CAD: variants seen among roughly 807,000 people sequenced by gnomAD.
The protein encoded by CAD is multifunctional protein CAD.
A neutral mutation model predicts 237.2 loss-of-function variants in CAD; 81 were observed. The observed-to-expected ratio is 0.34, with a 90% confidence interval of 0.29 to 0.41. The LOEUF is 0.41. CAD is among the 10% of genes least tolerant of loss of function. The probability of loss-of-function intolerance (pLI) is 1.00; values close to 1 mark genes in which losing one functional copy is unlikely to be tolerated. For synonymous variants in CAD, 1,196 were observed against 1,162.8 expected (o/e 1.03, Z -0.58); for missense variants, 2,181 against 2,951.7 (o/e 0.74, Z 6.05).
chr2:27,234,139 A>G lies in CAD; in HGVS notation c.3531A>G (p.Lys1177=), dbSNP rs770533923. 6.2e-7 allele frequency: 1 copy of G among 1,614,188 alleles called. No individual in the cohort carries two copies. The highest frequency in any genetic ancestry group is 2.2e-5 in the East Asian group (1 of 44,882). Residue 1177 remains lysine (K), a synonymous_variant, in exon 22 of 44, where the codon AAA becomes AAG. Coordinates refer to ENST00000264705, the MANE Select transcript of CAD (RefSeq NM_004341.5). The stretch of plus-strand genomic sequence containing the variant: ...CCCCCCCACAAGATATCACTGCCAA[A>G]ACCCTGGAGCGGATCAAAGCCATTG... ...LVTPPQDITA[K]TLERIKAIVH...
In CAD at chr2:27,229,790, C is replaced by T. The variant is rs1357909863; in HGVS notation, c.2288-1678C>T. On this transcript the variant is annotated intron_variant, in intron 15 of 43. Coordinates refer to ENST00000264705, the MANE Select transcript of CAD (RefSeq NM_004341.5). The stretch of plus-strand genomic sequence containing the variant: ...ACTCAGGAGGCTGAGGCAGGAGAAT[C>T]GCTTGACCTCAGGAAGCAGAGGTTG... 9.3e-5 allele frequency among the ~76,000 whole-genome samples: 14 copies of T among 149,890 alleles called. No homozygotes were observed. In the South Asian group the frequency reaches 3.0e-3, roughly 32 times the overall value.
At position 27,232,625 on chromosome 2, in the gene CAD, C is replaced by T. The variant is rs759117584; in HGVS notation, c.2823C>T (p.Gly941=). 5.6e-6 allele frequency: 9 copies of T among 1,614,052 alleles called. No individual in the cohort carries two copies. The highest frequency in any genetic ancestry group is 1.6e-4 in the Middle Eastern group (1 of 6,084). The change falls in exon 18 of 44, where the codon GGC becomes GGT. Residue 941 remains glycine, a synonymous_variant. Coordinates refer to ENST00000264705, the MANE Select transcript of CAD (RefSeq NM_004341.5). The surrounding 1 kb of genome is among the most constrained non-coding windows in gnomAD (Gnocchi z 4.1). ...CTCATGTCCTAGTCCTTGGCTCTGG[C>T]GTCTACCGTATTGGCTCTAGCGTTG... The part of the protein sequence containing the change: ...RTPHVLVLGS[G]VYRIGSSVEF...
In CAD at chr2:27,239,115, A is replaced by C. The variant is rs139059404; in HGVS notation, c.5136A>C (p.Pro1712=). 3 of 1,612,682 alleles carry C rather than the reference A, an allele frequency of 1.9e-6. No homozygotes were observed. Among genetic ancestry groups the C allele is most frequent in the East Asian group, 2.2e-5 (1 of 44,872 alleles). Residue 1712 remains proline (P), a synonymous_variant, in exon 32 of 44, where the codon CCA becomes CCC. Coordinates refer to ENST00000264705, the MANE Select transcript of CAD (RefSeq NM_004341.5). The surrounding 1 kb of genome is among the most constrained non-coding windows in gnomAD (Gnocchi z 4.0). ...TCCCAGGGTTAGAGACCATGCTGCC[A>C]CTACTCCTGACGGCTGTAAGCGAGG... ...PGFPGLETML[P]LLLTAVSEGR...
rs749905689 is a variant in CAD at position 27,242,473 on chromosome 2, G to A, written c.6222+46G>A. The A allele has an allele frequency of 2.1e-5, 33 of 1,598,784 alleles. No homozygotes were observed. The highest frequency in any genetic ancestry group is 1.7e-4 in the Middle Eastern group (1 of 6,012). On this transcript the variant is annotated intron_variant, in intron 40 of 43. Coordinates refer to ENST00000264705, the MANE Select transcript of CAD (RefSeq NM_004341.5). The surrounding 1 kb of genome is among the most constrained non-coding windows in gnomAD (Gnocchi z 6.4). ...TGGATCCCTGCCAGGGGACGATCTA[G>A]AGAGGGAGGCAGGAAGTGGTTACCC... is the stretch of plus-strand genomic sequence containing the variant.
Position 27,231,545 on chromosome 2 carries a change from G to C in CAD, c.2365G>C (p.Gly789Arg). ...GCGCATGGTGGATGAGAACTGTGTG[G>C]GCTTTGATCACACAGTGAAACCAGT... is the stretch of plus-strand genomic sequence containing the variant. ...ALRMVDENCV[G>R]FDHTVKPVSD... is the part of the protein sequence containing the mutation. Residue 789 changes from glycine (G) to arginine (R), a missense_variant, in exon 16 of 44, where the codon GGC becomes CGC. Physicochemically the swap from Gly to Arg is moderately radical, Grantham distance 125. Around this residue, in one of 12 missense-constraint regions of CAD, gnomAD observed 385 missense variants for 535.1 expected, o/e 0.72. Transcript: ENST00000264705. The C allele has an allele frequency of 6.2e-7, 1 of 1,612,990 alleles. No homozygotes were observed. The highest frequency in any genetic ancestry group is 8.5e-7 in the Non-Finnish European group (1 of 1,179,004).
chr2:27,237,399 C>T lies in CAD; in HGVS notation c.4417C>T (p.His1473Tyr), dbSNP rs754306106. The part of the protein sequence containing the change: ...RLPGLIDVHV[H>Y]LREPGGTHKE... ...CCCAGGATTGATTGATGTCCATGTGCACCTGCGGGAACCAGGTGGGACACA... is the reference window on the plus strand; with the variant it reads ...CCCAGGATTGATTGATGTCCATGTGTACCTGCGGGAACCAGGTGGGACACA... Residue 1473 changes from histidine (H) to tyrosine (Y), a missense_variant, in exon 28 of 44, where the codon CAC (histidine) becomes TAC (tyrosine). Around this residue, in one of 12 missense-constraint regions of CAD, gnomAD observed 478 missense variants for 515.0 expected, o/e 0.93. Transcript: ENST00000264705. The surrounding 1 kb of genome is among the most constrained non-coding windows in gnomAD (Gnocchi z 4.0). 28 of 1,614,060 alleles carry T rather than the reference C, an allele frequency of 1.7e-5. No individual in the cohort carries two copies. In the Admixed American group the frequency reaches 2.3e-4, roughly 13 times the overall value.
chr2:27,225,556 C>CCCT, intron 11 of CAD, 149 bp from the exon 12 acceptor site: 1 of 654,672 alleles, frequency 1.5e-6, no homozygotes, highest in Non-Finnish European at 2.7e-6. Context: ...TCCACCCCCC[C>CCCT]GACCCTCGGC....
At chr2:27,229,838 T>A (rs1675638984) in intron 15 of CAD, among the ~76,000 whole-genome samples, 1 of 140,634 alleles carries the variant, frequency 7.1e-6, no homozygotes, top group Admixed American at 7.5e-5. Context: ...ATTGCACCAC[T>A]GACTCCAGCC....
Position 27,232,635 on chromosome 2 carries a change from A to G in CAD, c.2833A>G (p.Ile945Val). The change falls in exon 18 of 44, where the codon ATT becomes GTT. Residue 945 changes from isoleucine to valine, a missense_variant. Around this residue, in one of 12 missense-constraint regions of CAD, gnomAD observed 385 missense variants for 535.1 expected, o/e 0.72. Transcript: ENST00000264705. The surrounding 1 kb of genome is among the most constrained non-coding windows in gnomAD (Gnocchi z 4.1). ...AGTCCTTGGCTCTGGCGTCTACCGT[A>G]TTGGCTCTAGCGTTGAATTTGACTG... ...VLVLGSGVYR[I>V]GSSVEFDWCA... 6.2e-7 allele frequency: 1 copy of G among 1,614,164 alleles called. No individual in the cohort carries two copies. The highest frequency in any genetic ancestry group is 8.5e-7 in the Non-Finnish European group (1 of 1,180,018).
intron 7 of CAD, 82 bp from the exon 8 acceptor site, chr2:27,223,835 C>T: frequency 6.5e-7 from 1 of 1,548,718 alleles, no homozygotes; most frequent in Non-Finnish European, 8.9e-7. Context: ...GGATCCGAGT[C>T]CCCTGTCCCA....
chr2:27,241,877 C>G lies in CAD; in HGVS notation c.5884-34C>G. The G allele has an allele frequency of 9.6e-6, 15 of 1,563,704 alleles. No homozygotes were observed. Among genetic ancestry groups the G allele is most frequent in the Non-Finnish European group, 1.3e-5 (15 of 1,136,804 alleles). Reference sequence around the variant, plus strand: ...CTGGGGTTTCCCCAGGGTGGACACGCATACGTACACCTTCCATCTTGCTCT... The same window carrying G: ...CTGGGGTTTCCCCAGGGTGGACACGGATACGTACACCTTCCATCTTGCTCT... On this transcript the variant is annotated intron_variant, in intron 38 of 43. Coordinates refer to ENST00000264705, the MANE Select transcript of CAD (RefSeq NM_004341.5). This position sits in a 1 kb window ranked among gnomAD's most constrained non-coding sequence, Gnocchi z 4.6.
intron 31 of CAD, 129 bp from the exon 32 acceptor site, chr2:27,238,913 C>G: frequency 1.1e-6 from 1 of 939,568 alleles, no homozygotes; most frequent in East Asian, 2.5e-5. Flanking sequence ...TTTCTAGTTC[C>G]CAGAAAAAAT....
chr2:27,241,580 T>A lies in CAD; in HGVS notation c.5883+184T>A, dbSNP rs548253961. The stretch of plus-strand genomic sequence containing the variant: ...TTCCCTCCCCAAAGCAGGATTTAGC[T>A]GGCTGGGGAGGCCCTGAGCATGAGA... On this transcript the variant is annotated intron_variant, in intron 38 of 43. Coordinates refer to ENST00000264705, the MANE Select transcript of CAD (RefSeq NM_004341.5). The surrounding 1 kb of genome is among the most constrained non-coding windows in gnomAD (Gnocchi z 4.6). Among the ~76,000 whole-genome samples, 1 of 152,338 alleles carries A rather than the reference T, an allele frequency of 6.6e-6. No homozygotes were observed. Among genetic ancestry groups the A allele is most frequent in the African/African-American group, 2.4e-5 (1 of 41,580 alleles).
intron 12 of CAD, 90 bp from the exon 13 acceptor site, chr2:27,226,041 C>T (rs1675432401): frequency 1.4e-5 from 21 of 1,483,326 alleles, no homozygotes; most frequent in Non-Finnish European, 1.9e-5. Flanking sequence ...AGGTTAGGTG[C>T]AGCCCCAGAG....
In CAD at chr2:27,243,078, C is replaced by T. The variant is rs1204072341; in HGVS notation, c.6480+105C>T. On this transcript the variant is annotated intron_variant, in intron 42 of 43. Transcript: ENST00000264705. Reference sequence around the variant, plus strand: ...GCTGGGTCAGAGCTGTTAAACTTCACATCTGTCAATTGCCATAGCTGCATG... The same window carrying T: ...GCTGGGTCAGAGCTGTTAAACTTCATATCTGTCAATTGCCATAGCTGCATG... The T allele has an allele frequency of 9.0e-6, 12 of 1,330,760 alleles. No individual in the cohort carries two copies. The East Asian group carries it at 2.8e-4, about 31-fold the overall frequency. 82.4% of individuals were successfully genotyped at this position (1,330,760 alleles called of 1,614,324 possible). A position where few individuals can be genotyped will look rare whatever the true frequency, so the allele number is the denominator to read the frequency against.
intron 15 of CAD, among the ~76,000 whole-genome samples, chr2:27,231,074 C>G (rs540211603): frequency 6.6e-6 from 1 of 152,224 alleles, no homozygotes. Context: ...GGTGTGATCG[C>G]TGCTCACTGC....
At chr2:27,218,080 A>T (rs1357750971) in intron 2 of CAD, 64 bp downstream of exon 2, 2 of 1,435,944 alleles carry the variant, frequency 1.4e-6, no homozygotes, top group Non-Finnish European at 1.9e-6. Context: ...CTATTAGTGA[A>T]GTAGGAGACG....
chr2:27,236,627 G>T lies in CAD; in HGVS notation c.4314+104G>T. 6.4e-7 allele frequency: 1 copy of T among 1,561,250 alleles called. No homozygotes were observed. The highest frequency in any genetic ancestry group is 8.8e-7 in the Non-Finnish European group (1 of 1,137,186). On this transcript the variant is annotated intron_variant, in intron 26 of 43. Coordinates refer to ENST00000264705, the MANE Select transcript of CAD (RefSeq NM_004341.5). This position sits in a 1 kb window ranked among gnomAD's most constrained non-coding sequence, Gnocchi z 4.1. ...AGCCATGCTAGTAATAAAGCTTTGT[G>T]GCTACAGAGGGAGAGATGGTGGGTA...
At position 27,233,065 on chromosome 2, in the gene CAD, G is replaced by A; in HGVS notation, c.2916G>A (p.Val972=). 9 of 1,611,934 alleles carry A rather than the reference G, an allele frequency of 5.6e-6. No homozygotes were observed. The highest frequency in any genetic ancestry group is 7.6e-6 in the Non-Finnish European group (9 of 1,178,114). The change falls in exon 19 of 44, where the codon GTG becomes GTA. Residue 972 remains valine, a synonymous_variant. Transcript: ENST00000264705. This position sits in a 1 kb window ranked among gnomAD's most constrained non-coding sequence, Gnocchi z 6.3. ...LRKMGYKTIM[V]NYNPETVSTD... ...AGATGGGATATAAGACCATCATGGT[G>A]AACTATAACCCAGAGACAGTCAGCA...
Sources: allele counts gnomAD v4.1 joint callset (sites outside exome capture counted in the v4.1 genomes callset), GRCh38; gene constraint gnomAD v4.1.1; regional missense constraint gnomAD v4.1.1; non-coding constraint Gnocchi (gnomAD v3.1); transcripts MANE v1.5; gene names NCBI Gene and HGNC (gene_info 2026-07-23, HGNC 2026-07-21).